UNC13A: variants seen among roughly 807,000 people sequenced by gnomAD.
UNC13A encodes the protein unc-13 homolog A, also known as protein unc-13 homolog A.
In UNC13A, 61 loss-of-function variants were observed where a neutral mutation model predicts 219.7. The observed-to-expected ratio is 0.28, with a 90% CI of 0.23 to 0.34. The LOEUF is 0.34. Ranked by LOEUF, UNC13A falls within the 10% of genes least tolerant of loss-of-function variation. The pLI is 1.00. For synonymous variants in UNC13A, 920 were observed against 884.6 expected (o/e 1.04, Z -0.71); for missense variants, 1,476 against 2,270.3 (o/e 0.65, Z 7.11).
chr19:17,636,545 T>C (rs914479874), intron 25 of UNC13A, among the ~76,000 whole-genome samples: 3 of 152,218 alleles, frequency 2.0e-5, no homozygotes, highest in Non-Finnish European at 2.9e-5. Context: ...TCACACTGAA[T>C]GGAGTGCAAT....
At chr19:17,628,303 A>AAT in intron 31 of UNC13A, 2 of 227,340 alleles carry the variant, frequency 8.8e-6, no homozygotes, top group Non-Finnish European at 8.6e-6. Context: ...ACAGTGACAC[A>AAT]CTGAAGGCGT....
Position 17,606,248 on chromosome 19 carries a change from G to T in UNC13A, c.4918C>A (p.Leu1640Met). The T allele has an allele frequency of 1.1e-5, 17 of 1,547,832 alleles. No individual in the cohort carries two copies. The highest frequency in any genetic ancestry group is 1.5e-5 in the Non-Finnish European group (17 of 1,146,470). The change falls in exon 44 of 44, where the codon CTG (leucine) becomes ATG (methionine). Residue 1640 changes from leucine (L) to methionine (M), a missense_variant. Around this residue, in one of 14 missense-constraint regions of UNC13A, gnomAD observed 187 missense variants for 172.3 expected, o/e 1.09. Coordinates refer to ENST00000519716, the MANE Select transcript of UNC13A (RefSeq NM_001080421.3). ...CTCCCGCGCTGGGCCAGCTCACGCA[G>T]CTGCAGCACGGCCAGCCCCACCGTG... The part of the protein sequence containing the change: ...DRTVGLAVLQ[L>M]RELAQRGSAA...
At chr19:17,637,420 C>A (rs2076923913) in intron 25 of UNC13A, among the ~76,000 whole-genome samples, 1 of 152,052 alleles carries the variant, frequency 6.6e-6, no homozygotes, top group Non-Finnish European at 1.5e-5. Context: ...GCCTCAGCCT[C>A]CCAAGTATCT....
At chr19:17,656,604 C>A (rs2079459385) in intron 9 of UNC13A, among the ~76,000 whole-genome samples, 1 of 152,172 alleles carries the variant, frequency 6.6e-6, no homozygotes, top group South Asian at 2.1e-4. Context: ...GTAATCCCAG[C>A]ACTTTGGGAG....
rs559391902 is a variant in UNC13A at position 17,640,095 on chromosome 19, C to T, written c.2788-187G>A. On this transcript the variant is annotated intron_variant, in intron 22 of 43. Coordinates refer to ENST00000519716, the MANE Select transcript of UNC13A (RefSeq NM_001080421.3). ...TGTTGCCCAGGCTGGAGTGTAGTGG[C>T]GCAGTCTCAGCTCACTGCAACCTCC... Among the ~76,000 whole-genome samples, 14 of 151,668 alleles carry T rather than the reference C, an allele frequency of 9.2e-5. 1 individual carries two copies. In the South Asian group the frequency reaches 1.7e-3, roughly 18 times the overall value.
At chr19:17,683,478 A>C (rs1160565554) in intron 1 of UNC13A, among the ~76,000 whole-genome samples, 1 of 151,806 alleles carries the variant, frequency 6.6e-6, no homozygotes, top group African/African-American at 2.4e-5. Context: ...AGTAGAGATG[A>C]GAAACCCCAT....
chr19:17,605,858 T>A lies in UNC13A; in HGVS notation c.*196A>T, dbSNP rs2076518815. The A allele has an allele frequency of 3.7e-6, 2 of 539,080 alleles. No homozygotes were observed. Among genetic ancestry groups the A allele is most frequent in the African/African-American group, 2.0e-5 (1 of 49,852 alleles). 33.4% of individuals were successfully genotyped at this position (539,080 alleles called of 1,614,324 possible). On this transcript the variant is annotated 3_prime_UTR_variant, in exon 44 of 44. Coordinates refer to ENST00000519716, the MANE Select transcript of UNC13A (RefSeq NM_001080421.3). The stretch of plus-strand genomic sequence containing the variant: ...CTTCGTCGCGCCCTTGGGCGTGGCC[T>A]CCCGAGAGGGCGGGGCATCCTCCAT...
chr19:17,638,859 C>T (rs2076938475), intron 25 of UNC13A, among the ~76,000 whole-genome samples: 1 of 151,866 alleles, frequency 6.6e-6, no homozygotes, highest in Non-Finnish European at 1.5e-5. Context: ...TTATGCCAAA[C>T]TCAACTACGC....
At chr19:17,609,221 C>T (rs1044642877) in intron 43 of UNC13A, among the ~76,000 whole-genome samples, 3 of 149,284 alleles carry the variant, frequency 2.0e-5, no homozygotes, top group Non-Finnish European at 3.0e-5. Context: ...CTGTCTGCCT[C>T]GGCGTCCCAG....
At chr19:17,669,498 G>A (rs1401924613) in intron 5 of UNC13A, 55 bp downstream of exon 5, 2 of 1,592,626 alleles carry the variant, frequency 1.3e-6, no homozygotes, top group East Asian at 2.3e-5. Flanking sequence ...GAATAGCTGA[G>A]TGAGTCCACA....
Position 17,688,315 on chromosome 19 carries a change from G to A in UNC13A, c.-116C>T, listed in dbSNP as rs2080154836. 1 of 1,326,868 alleles carries A rather than the reference G, an allele frequency of 7.5e-7. No individual in the cohort carries two copies. The highest frequency in any genetic ancestry group is 2.1e-5 in the South Asian group (1 of 47,748). The allele number at this position is 1,326,868 out of a possible 1,614,324, so 82.2% of individuals were successfully genotyped here. A position where few individuals can be genotyped will look rare whatever the true frequency, so the allele number is the denominator to read the frequency against. ...CAGCCCGCGCTTGGCTCACGCCGGG[G>A]CCCGGCCGCCACCGGCCATCTTGGT... is the stretch of plus-strand genomic sequence containing the variant. On this transcript the variant is annotated 5_prime_UTR_variant, in exon 1 of 44. Transcript: ENST00000519716.
At chr19:17,664,675 C>G (rs1330497912) in intron 7 of UNC13A, among the ~76,000 whole-genome samples, 1 of 152,174 alleles carries the variant, frequency 6.6e-6, no homozygotes, top group Non-Finnish European at 1.5e-5. Context: ...CCCCATTCAC[C>G]AAGCGGGGGT....
chr19:17,643,781 C>T (rs1259558557), intron 19 of UNC13A, among the ~76,000 whole-genome samples: 2 of 152,132 alleles, frequency 1.3e-5, no homozygotes, highest in African/African-American at 4.8e-5. Flanking sequence ...ATGTGCCTCC[C>T]TCCTTAGACT....
chr19:17,660,414 C>T (rs1460947008), intron 8 of UNC13A, among the ~76,000 whole-genome samples: 4 of 152,066 alleles, frequency 2.6e-5, no homozygotes, highest in African/African-American at 9.7e-5. Flanking sequence ...TGGCTATTTT[C>T]AACCACTTTT....
intron 19 of UNC13A, among the ~76,000 whole-genome samples, chr19:17,644,540 T>C (rs1292347038): frequency 2.2e-5 from 2 of 90,742 alleles, no homozygotes; most frequent in African/African-American, 1.0e-4. Context: ...TTTTTTTTTT[T>C]TGAGACGGAG....
At chr19:17,662,070 CAT>C (rs1377948643) in intron 8 of UNC13A, among the ~76,000 whole-genome samples, 1 of 151,946 alleles carries the variant, frequency 6.6e-6, no homozygotes, top group Non-Finnish European at 1.5e-5. Context: ...GGTGAAACCC[CAT>C]CTCTACTAAA....
At position 17,654,119 on chromosome 19, in the gene UNC13A, G is replaced by A. The variant is rs140446268; in HGVS notation, c.1392+1155C>T. Among the ~76,000 whole-genome samples, 206 of 152,226 alleles carry A rather than the reference G, an allele frequency of 1.4e-3. No homozygotes were observed. In the Middle Eastern group the frequency reaches 0.027, roughly 20 times the overall value. On this transcript the variant is annotated intron_variant, in intron 11 of 43. Transcript: ENST00000519716. ...TGGGATTACAGGCTTGAGCAACCAC[G>A]CCCGGCCATCACTTCTCCTTAAGTG...
intron 25 of UNC13A, 112 bp downstream of exon 25, chr19:17,638,971 A>T (rs2076939527): frequency 7.8e-7 from 1 of 1,276,812 alleles, no homozygotes; most frequent in Admixed American, 3.0e-5. Context: ...ATTTTATAGA[A>T]GAAGATACTG....
rs2076462676 is a variant in UNC13A, at chr19:17,601,422, A to C, written c.*4632T>G. On this transcript the variant is annotated 3_prime_UTR_variant, in exon 44 of 44. Transcript: ENST00000519716. Reference sequence around the variant, plus strand: ...AAGTCAGAATAGTGCAAAACATCTCAACACCATGCATTCATGACCACTTCT... The same window carrying C: ...AAGTCAGAATAGTGCAAAACATCTCCACACCATGCATTCATGACCACTTCT... 6.6e-6 allele frequency: 1 copy of C among 152,626 alleles called. No homozygotes were observed. The highest frequency in any genetic ancestry group is 6.5e-5 in the Admixed American group (1 of 15,282). The allele number at this position is 152,626 out of a possible 1,614,324, so 9.5% of individuals were successfully genotyped here.
Sources: gnomAD v4.1 joint callset for allele counts (sites outside exome capture counted in the v4.1 genomes callset) on GRCh38, gnomAD v4.1.1 for gene constraint, gnomAD v4.1.1 regional missense constraint, MANE v1.5 for transcripts, NCBI Gene and HGNC (gene_info 2026-07-23, HGNC 2026-07-21) for gene names.